Variants in TCF25 observed in about 807,000 individuals in gnomAD.
The protein encoded by TCF25 is TCF25 ribosome quality control complex subunit, also known as ribosome quality control complex subunit TCF25.
In TCF25, 41 loss-of-function variants were observed where a neutral mutation model predicts 83.1. The ratio of observed to expected loss-of-function variants is 0.49; its 90% CI spans 0.38 to 0.64. The LOEUF (loss-of-function observed/expected upper bound fraction) is 0.64. TCF25 is among the 30% of genes least tolerant of loss of function. The pLI is 0.00. For missense variants in TCF25, 979 were observed against 914.5 expected, an observed-to-expected ratio of 1.07 and a Z score of -0.91; for synonymous variants, 458 against 365.0, an observed-to-expected ratio of 1.25 and a Z score of -2.90.
In TCF25 at chr16:89,911,143, A is replaced by G; in HGVS notation, c.1936A>G (p.Met646Val). 1 of 1,612,042 alleles carries G rather than the reference A, an allele frequency of 6.2e-7. No homozygotes were observed. The highest frequency in any genetic ancestry group is 8.5e-7 in the Non-Finnish European group (1 of 1,179,956). Reference sequence around the variant, plus strand: ...CCGCAACCAGGGCCTGAACAGGCTGATGCTGGCTGTGCGCGACATGATGGC... The same window carrying G: ...CCGCAACCAGGGCCTGAACAGGCTGGTGCTGGCTGTGCGCGACATGATGGC... ...LNRNQGLNRL[M>V]LAVRDMMANF... is the part of the protein sequence containing the mutation. The change falls in exon 18 of 18, where the codon ATG (methionine) becomes GTG (valine). Residue 646 changes from methionine (M) to valine (V), a missense_variant. Met to Val is a conservative substitution (Grantham distance 21, BLOSUM62 1). Coordinates refer to ENST00000263346, the MANE Select transcript of TCF25 (RefSeq NM_014972.3).
intron 1 of TCF25, 44 bp downstream of exon 1, chr16:89,873,903 C>G: frequency 7.8e-6 from 10 of 1,286,568 alleles, no homozygotes; most frequent in Admixed American, 6.2e-5. Context: ...TGGCCCTTGA[C>G]GTTGTGGGGC....
At chr16:89,907,410 CCTTCCAG>C in intron 16 of TCF25, 88 bp downstream of exon 16, 3 of 279,242 alleles carry the variant, frequency 1.1e-5, no homozygotes, top group Admixed American at 6.2e-5. Context: ...CCAGCTCCAA[CCTTCCAG>C]CTCCCAGCTC....
chr16:89,877,105 A>T (rs879654711), intron 1 of TCF25, among the ~76,000 whole-genome samples: 19 of 148,882 alleles, frequency 1.3e-4, no homozygotes, highest in Non-Finnish European at 2.1e-4. Context: ...CTGTCTCAAA[A>T]AAATAAATAA....
At chr16:89,875,412 CTTCT>C (rs1380170086) in intron 1 of TCF25, among the ~76,000 whole-genome samples, 2 of 150,736 alleles carry the variant, frequency 1.3e-5, no homozygotes, top group Admixed American at 6.6e-5. Flanking sequence ...TGTTCTTTAA[CTTCT>C]TTAATTTCTG....
chr16:89,887,746 C>T, intron 5 of TCF25, 29 bp downstream of exon 5: 3 of 1,533,900 alleles, frequency 2.0e-6, no homozygotes, highest in Non-Finnish European at 1.7e-6. Context: ...TGCATTCTCA[C>T]AGCTGCTTCA....
At position 89,908,019 on chromosome 16, in the gene TCF25, T is replaced by C. The variant is rs150647308; in HGVS notation, c.1799+697T>C. On this transcript the variant is annotated intron_variant, in intron 16 of 17. Coordinates refer to ENST00000263346, the MANE Select transcript of TCF25 (RefSeq NM_014972.3). ...CACCTCCCAGCTACCGCCTCCCTCC[T>C]CCCAGTTCCCAGCTCCCACCTCCTA... 6.0e-3 allele frequency among the ~76,000 whole-genome samples: 620 copies of C among 102,942 alleles called. 15 individuals carry two copies. The South Asian group carries it at 0.061, about 10-fold the overall frequency. 67.5% of individuals were successfully genotyped at this position (102,942 alleles called of 152,430 possible). A position where few individuals can be genotyped will look rare whatever the true frequency, so the allele number is the denominator to read the frequency against.
chr16:89,909,473 T>C (rs2045356588), intron 16 of TCF25: 2 of 150,832 alleles, frequency 1.3e-5, no homozygotes, highest in South Asian at 1.7e-4. Context: ...ATCGTGCCAC[T>C]GCACTCCATC....
intron 8 of TCF25, among the ~76,000 whole-genome samples, chr16:89,895,448 C>T (rs1337492581): frequency 6.6e-6 from 1 of 152,134 alleles, no homozygotes; most frequent in East Asian, 1.9e-4. Context: ...CCTTGTGATC[C>T]ACCCACCTCA....
rs532039603 is a variant in TCF25, at chr16:89,895,355, C to T, written c.928+218C>T. Among the ~76,000 whole-genome samples, 10 of 152,190 alleles carry T rather than the reference C, an allele frequency of 6.6e-5. No individual in the cohort carries two copies. In the South Asian group the frequency reaches 1.5e-3, roughly 22 times the overall value. ...CCGAGTAGCTGGGACTACAGGCGCCCGCCACCAGACCTGGCTAATTTTTTG... is the reference window on the plus strand; with the variant it reads ...CCGAGTAGCTGGGACTACAGGCGCCTGCCACCAGACCTGGCTAATTTTTTG... On this transcript the variant is annotated intron_variant, in intron 8 of 17. Coordinates refer to ENST00000263346, the MANE Select transcript of TCF25 (RefSeq NM_014972.3).
chr16:89,894,973 G>A, intron 7 of TCF25, 65 bp from the exon 8 acceptor site: 2 of 1,457,702 alleles, frequency 1.4e-6, no homozygotes, highest in East Asian at 4.6e-5. Flanking sequence ...CTGAAAAAAA[G>A]GCATGCCTGG....
chr16:89,909,469 C>T (rs2045356197), intron 16 of TCF25: 1 of 159,808 alleles, frequency 6.3e-6, no homozygotes, highest in African/African-American at 2.5e-5. Context: ...GGAGATCGTG[C>T]CACTGCACTC....
In TCF25 at chr16:89,907,263, G is replaced by C. The variant is rs1004872751; in HGVS notation, c.1740G>C (p.Val580=). ...ALPPDVTTQS[V]MGFDPLPPSD... ...TGAAGGACGTGACCACGCAGTCTGT[G>C]ATGGGGTTTGATCCTCTGCCTCCTT... Residue 580 remains valine (V), a synonymous_variant, in exon 16 of 18, where the codon GTG becomes GTC. Coordinates refer to ENST00000263346, the MANE Select transcript of TCF25 (RefSeq NM_014972.3). The C allele has an allele frequency of 1.2e-6, 2 of 1,611,898 alleles. No individual in the cohort carries two copies. The highest frequency in any genetic ancestry group is 1.7e-5 in the Admixed American group (1 of 59,808).
intron 1 of TCF25, among the ~76,000 whole-genome samples, chr16:89,877,718 C>T (rs992963160): frequency 6.6e-5 from 10 of 152,132 alleles, no homozygotes; most frequent in African/African-American, 1.7e-4. Flanking sequence ...TCTCAAAAGA[C>T]GAGTTGGCAA....
rs1386787108 is a variant in TCF25 at position 89,893,718 on chromosome 16, C to T, written c.698-10C>T. On this transcript the variant is annotated splice_polypyrimidine_tract_variant and intron_variant, in intron 6 of 17. Coordinates refer to ENST00000263346, the MANE Select transcript of TCF25 (RefSeq NM_014972.3). ...CCGGCACACCCTCCCTGAGCACTCT[C>T]CCCTCCCAGGTCTGTCCATGCGGCT... The T allele has an allele frequency of 1.2e-6, 2 of 1,613,696 alleles. No individual in the cohort carries two copies. Among genetic ancestry groups the T allele is most frequent in the South Asian group, 1.1e-5 (1 of 91,064 alleles).
intron 14 of TCF25, among the ~76,000 whole-genome samples, chr16:89,905,795 T>G (rs2044725230): frequency 6.6e-6 from 1 of 152,234 alleles, no homozygotes; most frequent in African/African-American, 2.4e-5. Flanking sequence ...TTTTGTTCCC[T>G]GTACTGCTCT....
At chr16:89,906,991 A>G (rs1166566289) in intron 15 of TCF25, among the ~76,000 whole-genome samples, 1 of 151,562 alleles carries the variant, frequency 6.6e-6, no homozygotes, top group East Asian at 1.9e-4. Flanking sequence ...CCCACCACAC[A>G]CTCTGGTGTG....
intron 14 of TCF25, among the ~76,000 whole-genome samples, chr16:89,905,769 C>T (rs2044723712): frequency 6.6e-6 from 1 of 152,212 alleles, no homozygotes; most frequent in African/African-American, 2.4e-5. Flanking sequence ...ACTGGACATT[C>T]TCATGGACAG....
At chr16:89,887,813 G>A (rs1358223618) in intron 5 of TCF25, 96 bp downstream of exon 5, 2 of 1,230,064 alleles carry the variant, frequency 1.6e-6, no homozygotes, top group South Asian at 1.6e-5. Flanking sequence ...TACCCTTGAG[G>A]GAGAGTATTT....
intron 12 of TCF25, 174 bp downstream of exon 12, chr16:89,900,968 C>T: frequency 1.4e-6 from 1 of 733,174 alleles, no homozygotes; most frequent in East Asian, 2.8e-5. Flanking sequence ...GTCGGCTCAT[C>T]TCGGAACCCG....
Sources: allele counts gnomAD v4.1 joint callset (sites outside exome capture counted in the v4.1 genomes callset), GRCh38; gene constraint gnomAD v4.1.1; transcripts MANE v1.5; gene names NCBI Gene and HGNC (gene_info 2026-07-23, HGNC 2026-07-21).